Variants in MDGA2 observed in about 807,000 individuals in gnomAD.
MDGA2 encodes the protein MAM domain-containing glycosylphosphatidylinositol anchor protein 2.
In MDGA2, 40 loss-of-function variants were observed where a neutral mutation model predicts 117.8. The observed-to-expected ratio is 0.34, with a 90% CI of 0.26 to 0.44. The LOEUF (loss-of-function observed/expected upper bound fraction) is 0.44, where lower values mean the gene tolerates loss of function less well. Among genes scored for constraint, MDGA2 ranks in the 20% least tolerant of loss-of-function variants. MDGA2 has a pLI of 1.00. For synonymous variants in MDGA2, 452 were observed against 439.0 expected, an observed-to-expected ratio of 1.03 and a Z score of -0.37; for missense variants, 1,123 against 1,250.6, an observed-to-expected ratio of 0.90 and a Z score of 1.54.
At chr14:47,120,224 T>C (rs1231338041) in intron 5 of MDGA2, among the ~76,000 whole-genome samples, 2 of 152,202 alleles carry the variant, frequency 1.3e-5, no homozygotes, top group Admixed American at 1.3e-4. Flanking sequence ...GTGCCCAAAA[T>C]CCAATACCTT....
intron 4 of MDGA2, among the ~76,000 whole-genome samples, chr14:47,135,407 C>T (rs1194723921): frequency 6.6e-6 from 1 of 151,994 alleles, no homozygotes; most frequent in Non-Finnish European, 1.5e-5. Flanking sequence ...TACTAAAAAT[C>T]ACCAATAGTA....
intron 9 of MDGA2, among the ~76,000 whole-genome samples, chr14:46,955,588 G>C (rs75586270): frequency 0.12 from 17,857 of 151,862 alleles, 1,985 homozygotes; most frequent in African/African-American, 0.27. Context: ...GAACACAACG[G>C]TATTCTCTTA....
intron 1 of MDGA2, among the ~76,000 whole-genome samples, chr14:47,646,731 A>C (rs1385840889): frequency 6.6e-6 from 1 of 152,216 alleles, no homozygotes; most frequent in African/African-American, 2.4e-5. Flanking sequence ...TTAGCGTAAA[A>C]TATGGCACAT....
intron 7 of MDGA2, among the ~76,000 whole-genome samples, chr14:47,056,834 C>T (rs1482171807): frequency 6.6e-6 from 1 of 152,110 alleles, no homozygotes; most frequent in Non-Finnish European, 1.5e-5. Context: ...AAGAATTTAA[C>T]TTTCATCAAA....
rs199758879 is a variant in MDGA2 at position 47,181,346 on chromosome 14, TTG to T, written c.595+36673_595+36674del. Among the ~76,000 whole-genome samples, 959 of 152,220 alleles carry T rather than the reference TTG, an allele frequency of 6.3e-3. 11 individuals carry two copies. The highest frequency in any genetic ancestry group is 0.022 in the African/African-American group (923 of 41,534). On this transcript the variant is annotated intron_variant, in intron 3 of 16. Coordinates refer to ENST00000399232, the MANE Select transcript of MDGA2 (RefSeq NM_001113498.3). Reference sequence around the variant, plus strand: ...AGAACATGTGGTGTTTGGTTTTCTGTTGTGTTTTATTGCAGCATTGGAACCAA... The same window carrying T: ...AGAACATGTGGTGTTTGGTTTTCTGTTGTTTTATTGCAGCATTGGAACCAA...
chr14:47,553,106 A>C (rs1566511644), intron 1 of MDGA2, among the ~76,000 whole-genome samples: 1 of 151,946 alleles, frequency 6.6e-6, no homozygotes, highest in Admixed American at 6.5e-5. Context: ...GGCGGCCCTA[A>C]CCTCTGCTTT....
chr14:47,147,917 G>A (rs1163620237), intron 3 of MDGA2, among the ~76,000 whole-genome samples: 1 of 151,948 alleles, frequency 6.6e-6, no homozygotes, highest in African/African-American at 2.4e-5. Flanking sequence ...CTAGAATTTT[G>A]TCAGATTTGA....
intron 1 of MDGA2, among the ~76,000 whole-genome samples, chr14:47,497,263 T>A (rs1477038993): frequency 2.0e-5 from 3 of 152,140 alleles, no homozygotes; most frequent in Non-Finnish European, 4.4e-5. Context: ...CAATGTTGAG[T>A]CTTTTTCATT....
At chr14:47,463,814 T>C (rs1893542137) in intron 1 of MDGA2, among the ~76,000 whole-genome samples, 1 of 152,156 alleles carries the variant, frequency 6.6e-6, no homozygotes, top group Non-Finnish European at 1.5e-5. Context: ...TTTTTGTTAT[T>C]GTTTTGATTG....
rs1413765513 is a variant in MDGA2 at position 47,177,657 on chromosome 14, A to G, written c.596-33383T>C. The stretch of plus-strand genomic sequence containing the variant: ...ACACTCTGGGGACTGTTGTGGCATG[A>G]GGGCAGTGGGGAGGGATAGCAGTAG... On this transcript the variant is annotated intron_variant, in intron 3 of 16. Coordinates refer to ENST00000399232, the MANE Select transcript of MDGA2 (RefSeq NM_001113498.3). 3.3e-5 allele frequency among the ~76,000 whole-genome samples: 5 copies of G among 152,220 alleles called. No individual in the cohort carries two copies. The East Asian group carries it at 7.7e-4, about 23-fold the overall frequency.
At chr14:47,455,133 T>C (rs1160563527) in intron 1 of MDGA2, among the ~76,000 whole-genome samples, 1 of 152,204 alleles carries the variant, frequency 6.6e-6, no homozygotes, top group African/African-American at 2.4e-5. Flanking sequence ...ATGAAGCAAC[T>C]TGTAACATTT....
chr14:46,901,731 TTTTCC>T (rs1433730011), intron 10 of MDGA2, among the ~76,000 whole-genome samples: 5 of 152,326 alleles, frequency 3.3e-5, no homozygotes, highest in African/African-American at 1.2e-4. Context: ...TGTTCAAACC[TTTTCC>T]TTTCCTTTAA....
At chr14:47,631,174 C>T (rs1897244604) in intron 1 of MDGA2, among the ~76,000 whole-genome samples, 2 of 152,128 alleles carry the variant, frequency 1.3e-5, no homozygotes, top group Admixed American at 1.3e-4. Flanking sequence ...TTTTCATAGC[C>T]AGAGCTGAAA....
intron 8 of MDGA2, among the ~76,000 whole-genome samples, chr14:46,981,270 G>A (rs1362068848): frequency 4.6e-5 from 7 of 152,096 alleles, no homozygotes; most frequent in Non-Finnish European, 8.8e-5. Context: ...TGGCTGTGGT[G>A]GTATGCGCCT....
At chr14:47,506,559 G>A (rs775560488) in intron 1 of MDGA2, among the ~76,000 whole-genome samples, 2 of 152,180 alleles carry the variant, frequency 1.3e-5, no homozygotes, top group East Asian at 1.9e-4. Context: ...AGAACAATGT[G>A]TTAAGGTCAC....
chr14:47,237,095 T>C (rs1303689841), intron 2 of MDGA2, among the ~76,000 whole-genome samples: 1 of 152,098 alleles, frequency 6.6e-6, no homozygotes, highest in Non-Finnish European at 1.5e-5. Context: ...AACCTAAATC[T>C]AATTTGACAG....
At chr14:47,593,956 T>C (rs183856056) in intron 1 of MDGA2, among the ~76,000 whole-genome samples, 89 of 152,326 alleles carry the variant, frequency 5.8e-4, no homozygotes, top group Non-Finnish European at 9.8e-4. Flanking sequence ...CAAATATTTC[T>C]TGCAGAGAGA....
chr14:46,859,188 T>C (rs1881406947), intron 14 of MDGA2, among the ~76,000 whole-genome samples: 1 of 152,150 alleles, frequency 6.6e-6, no homozygotes, highest in Admixed American at 6.5e-5. Flanking sequence ...GGTTTCATTG[T>C]GCTGCCAGGG....
intron 5 of MDGA2, among the ~76,000 whole-genome samples, chr14:47,123,462 T>C (rs1881750447): frequency 6.6e-6 from 1 of 152,068 alleles, no homozygotes; most frequent in Non-Finnish European, 1.5e-5. Context: ...TTTCTGAAGT[T>C]ACATTAGTGA....
Sources: gnomAD v4.1 joint callset for allele counts (sites outside exome capture counted in the v4.1 genomes callset) on GRCh38, gnomAD v4.1.1 for gene constraint, MANE v1.5 for transcripts, NCBI Gene and HGNC (gene_info 2026-07-23, HGNC 2026-07-21) for gene names.